Variants in SORCS2 observed in about 807,000 individuals in gnomAD.
SORCS2 encodes VPS10 domain-containing receptor SorCS2.
In SORCS2, 100 loss-of-function variants were observed where a neutral mutation model predicts 141.6. The observed-to-expected ratio is 0.71, with a 90% CI of 0.60 to 0.83. The LOEUF (loss-of-function observed/expected upper bound fraction) is 0.83, where lower values mean the gene tolerates loss of function less well. SORCS2 is among the 40% of genes least tolerant of loss of function. The probability of loss-of-function intolerance (pLI) is 0.00; values close to 1 mark genes in which losing one functional copy is unlikely to be tolerated. For synonymous variants in SORCS2, 789 were observed against 676.9 expected, an observed-to-expected ratio of 1.17 and a Z score of -2.57; for missense variants, 1,646 against 1,560.2, an observed-to-expected ratio of 1.05 and a Z score of -0.93.
In SORCS2 at chr4:7,306,325, G is replaced by A. The variant is rs538413074; in HGVS notation, c.481-89963G>A. On this transcript the variant is annotated intron_variant, in intron 1 of 26. Transcript: ENST00000507866. ...TGGTCCGAGGGTGGAGGGGGAGGGC[G>A]GCATCTGGAAGGAAGTCCAGAGTTC... Among the ~76,000 whole-genome samples the A allele has an allele frequency of 3.8e-3, 579 of 152,146 alleles. 3 individuals carry two copies. Among genetic ancestry groups the A allele is most frequent in the Non-Finnish European group, 6.0e-3 (409 of 67,994 alleles).
chr4:7,197,366 G>T lies in SORCS2; in HGVS notation c.480+4240G>T, dbSNP rs1231883708. Among the ~76,000 whole-genome samples the T allele has an allele frequency of 2.6e-5, 4 of 152,168 alleles. No individual in the cohort carries two copies. The South Asian group carries it at 6.2e-4, about 24-fold the overall frequency. On this transcript the variant is annotated intron_variant, in intron 1 of 26. Coordinates refer to ENST00000507866, the MANE Select transcript of SORCS2 (RefSeq NM_020777.3). ...GACACAGTTCAGACCCTAATAGCAG[G>T]GAAGGGGTCTCAGCTTCCTTTGCAT...
intron 1 of SORCS2, among the ~76,000 whole-genome samples, chr4:7,357,871 C>T (rs1009323692): frequency 1.3e-5 from 2 of 152,202 alleles, no homozygotes; most frequent in African/African-American, 4.8e-5. Context: ...ACACTCCAGT[C>T]TGAAAGCAGC....
chr4:7,381,361 G>A (rs1253679676), intron 1 of SORCS2, among the ~76,000 whole-genome samples: 1 of 152,160 alleles, frequency 6.6e-6, no homozygotes, highest in African/African-American at 2.4e-5. Context: ...AGAGCTGGAG[G>A]GTGCTTCCCC....
rs61019072 is a variant in SORCS2 at position 7,341,366 on chromosome 4, C to A, written c.481-54922C>A. Among the ~76,000 whole-genome samples the A allele has an allele frequency of 1.6e-4, 25 of 152,354 alleles. No individual in the cohort carries two copies. The East Asian group carries it at 4.4e-3, about 27-fold the overall frequency. On this transcript the variant is annotated intron_variant, in intron 1 of 26. Transcript: ENST00000507866. ...TCCTCCTCCAGAAAGCCTTCCTAGT[C>A]CTGCAAATGGAGCAATCCTCCCAGC...
chr4:7,322,153 G>A (rs1718933090), intron 1 of SORCS2, among the ~76,000 whole-genome samples: 1 of 152,194 alleles, frequency 6.6e-6, no homozygotes, highest in Non-Finnish European at 1.5e-5. Flanking sequence ...CTTGACCAGA[G>A]GGGGCCGGGA....
intron 2 of SORCS2, among the ~76,000 whole-genome samples, chr4:7,529,910 G>GC (rs1051015252): frequency 6.6e-6 from 1 of 152,184 alleles, no homozygotes. Context: ...AGGTCCTGAG[G>GC]CCCCCCGCCA....
At chr4:7,281,393 G>A (rs1715868835) in intron 1 of SORCS2, among the ~76,000 whole-genome samples, 1 of 152,140 alleles carries the variant, frequency 6.6e-6, no homozygotes, top group Admixed American at 6.5e-5. Flanking sequence ...CCAGGCATCT[G>A]ACTCACAAGG....
chr4:7,307,673 T>G (rs1717917477), intron 1 of SORCS2, among the ~76,000 whole-genome samples: 1 of 152,264 alleles, frequency 6.6e-6, no homozygotes, highest in Admixed American at 6.5e-5. Flanking sequence ...TGACAACTGT[T>G]CTGTAAGCAC....
intron 1 of SORCS2, among the ~76,000 whole-genome samples, chr4:7,260,767 AG>A (rs1347993209): frequency 6.6e-6 from 1 of 152,240 alleles, no homozygotes; most frequent in Non-Finnish European, 1.5e-5. Flanking sequence ...GCATTTCAGC[AG>A]GGCCTTGAAG....
intron 2 of SORCS2, among the ~76,000 whole-genome samples, chr4:7,466,736 G>A (rs979439229): frequency 1.3e-5 from 2 of 152,158 alleles, no homozygotes; most frequent in African/African-American, 2.4e-5. Context: ...TGTGGAAGAC[G>A]GCAAATCCAG....
intron 1 of SORCS2, among the ~76,000 whole-genome samples, chr4:7,291,113 G>C (rs1238368558): frequency 1.3e-5 from 2 of 152,144 alleles, no homozygotes; most frequent in Non-Finnish European, 2.9e-5. Context: ...AAGGTCCTGA[G>C]GTGGGAGGGA....
intron 2 of SORCS2, among the ~76,000 whole-genome samples, chr4:7,452,145 CT>C (rs796571069): frequency 1.8e-3 from 266 of 145,698 alleles, no homozygotes; most frequent in East Asian, 5.8e-3. Flanking sequence ...GAAGGCTCTT[CT>C]TTTTTTTTTT....
At chr4:7,512,913 G>A (rs942629029) in intron 2 of SORCS2, among the ~76,000 whole-genome samples, 1 of 152,180 alleles carries the variant, frequency 6.6e-6, no homozygotes, top group Non-Finnish European at 1.5e-5. Flanking sequence ...CCTTGGAGCC[G>A]TATTTCTTCC....
At chr4:7,397,996 G>A (rs539770888) in intron 2 of SORCS2, among the ~76,000 whole-genome samples, 30 of 152,322 alleles carry the variant, frequency 2.0e-4, no homozygotes, top group Admixed American at 2.0e-4. Flanking sequence ...CAGAGTACCC[G>A]CTTCCCTCCC....
At chr4:7,575,351 A>G (rs1399138912) in intron 3 of SORCS2, among the ~76,000 whole-genome samples, 1 of 152,258 alleles carries the variant, frequency 6.6e-6, no homozygotes, top group Non-Finnish European at 1.5e-5. Context: ...ATGTCAACAA[A>G]TAATTAATGT....
At chr4:7,579,808 G>A (rs755693560) in intron 3 of SORCS2, among the ~76,000 whole-genome samples, 69 of 152,250 alleles carry the variant, frequency 4.5e-4, no homozygotes, top group African/African-American at 1.3e-3. Context: ...CTCCTAGCAC[G>A]TCAAGACACA....
At chr4:7,444,886 A>G (rs1022782136) in intron 2 of SORCS2, among the ~76,000 whole-genome samples, 3 of 152,264 alleles carry the variant, frequency 2.0e-5, no homozygotes, top group Non-Finnish European at 4.4e-5. Context: ...TGCGAGAAAG[A>G]GAAGAGTCAG....
At chr4:7,726,230 G>A (rs1727210805) in intron 20 of SORCS2, among the ~76,000 whole-genome samples, 1 of 152,192 alleles carries the variant, frequency 6.6e-6, no homozygotes, top group Admixed American at 6.5e-5. Context: ...GGGAGTGAAG[G>A]CCCAGCCCGG....
intron 1 of SORCS2, among the ~76,000 whole-genome samples, chr4:7,216,729 C>CT (rs1728376154): frequency 6.6e-6 from 1 of 152,142 alleles, no homozygotes; most frequent in Admixed American, 6.5e-5. Flanking sequence ...ACAATACAGG[C>CT]TCCTCTCCCT....
Sources: gnomAD v4.1 joint callset for allele counts (sites outside exome capture counted in the v4.1 genomes callset) on GRCh38, gnomAD v4.1.1 for gene constraint, MANE v1.5 for transcripts, NCBI Gene and HGNC (gene_info 2026-07-23, HGNC 2026-07-21) for gene names.